Variants in MITF observed in about 807,000 individuals in gnomAD.
The protein encoded by MITF is microphthalmia-associated transcription factor.
Under a neutral mutation model 60.5 loss-of-function variants are expected in MITF, and 17 were observed. That is an observed-to-expected ratio of 0.28 (90% CI 0.19 to 0.42). MITF has a LOEUF of 0.42. Ranked by LOEUF, MITF falls within the 10% of genes least tolerant of loss-of-function variation. The probability of loss-of-function intolerance (pLI) is 1.00; values close to 1 mark genes in which losing one functional copy is unlikely to be tolerated. For missense variants in MITF, 622 were observed against 683.5 expected (o/e 0.91, Z 1.00); for synonymous variants, 260 against 248.5 (o/e 1.05, Z -0.43).
intron 1 of MITF, among the ~76,000 whole-genome samples, chr3:69,788,382 G>A (rs112471633): frequency 0.012 from 1,721 of 149,104 alleles, 42 homozygotes; most frequent in African/African-American, 0.04. Flanking sequence ...GAGAACATGC[G>A]GTGTTTGGTT....
At chr3:69,938,800 G>A (rs1323624112) in intron 3 of MITF, 8 of 1,381,642 alleles carry the variant, frequency 5.8e-6, no homozygotes. Context: ...ACTATGAAGT[G>A]TTTATGCAAA....
Position 69,933,180 on chromosome 3 carries a change from A to G in MITF, c.355-4642A>G, listed in dbSNP as rs1481135237. On this transcript the variant is annotated intron_variant, in intron 2 of 9. Transcript: ENST00000352241. ...ACTCCAGCCTGGGCAACATAGCAAG[A>G]CCCTTATCTCTAAAAATATAATAAA... 2.6e-5 allele frequency among the ~76,000 whole-genome samples: 4 copies of G among 152,142 alleles called. No individual in the cohort carries two copies. The South Asian group carries it at 8.3e-4, about 32-fold the overall frequency.
intron 6 of MITF, among the ~76,000 whole-genome samples, chr3:69,949,781 G>A (rs996493749): frequency 1.3e-5 from 2 of 152,102 alleles, no homozygotes; most frequent in Non-Finnish European, 2.9e-5. Context: ...TTTAGGGAAG[G>A]CATTTATTTG....
At chr3:69,859,154 A>G (rs1346055887) in intron 1 of MITF, among the ~76,000 whole-genome samples, 2 of 152,128 alleles carry the variant, frequency 1.3e-5, no homozygotes, top group Non-Finnish European at 2.9e-5. Context: ...AGTTGGAAAA[A>G]TGGTGCCATG....
intron 2 of MITF, among the ~76,000 whole-genome samples, chr3:69,922,566 T>A (rs2065492276): frequency 6.6e-6 from 1 of 152,172 alleles, no homozygotes; most frequent in African/African-American, 2.4e-5. Context: ...CATAATATAG[T>A]GGGTTTTTAA....
At chr3:69,941,641 A>G (rs1160183955) in intron 5 of MITF, among the ~76,000 whole-genome samples, 1 of 152,096 alleles carries the variant, frequency 6.6e-6, no homozygotes, top group Non-Finnish European at 1.5e-5. Context: ...CAGCCAAGGG[A>G]ACCATTGTGA....
chr3:69,893,488 G>C (rs1304649158), intron 2 of MITF, among the ~76,000 whole-genome samples: 1 of 152,110 alleles, frequency 6.6e-6, no homozygotes, highest in Non-Finnish European at 1.5e-5. Context: ...TGAGGAGTAA[G>C]TGACATGATG....
intron 2 of MITF, among the ~76,000 whole-genome samples, chr3:69,911,063 T>C (rs1452461538): frequency 6.6e-6 from 1 of 151,994 alleles, no homozygotes; most frequent in East Asian, 1.9e-4. Flanking sequence ...GGGGAGGTAA[T>C]TGAATCATGG....
At chr3:69,757,559 C>T (rs973483665) in intron 1 of MITF, among the ~76,000 whole-genome samples, 1 of 152,030 alleles carries the variant, frequency 6.6e-6, no homozygotes, top group African/African-American at 2.4e-5. Flanking sequence ...CCGAACTCTG[C>T]ATTTTAGTGA....
intron 1 of MITF, among the ~76,000 whole-genome samples, chr3:69,846,706 G>T (rs1359826304): frequency 1.3e-5 from 2 of 151,142 alleles, no homozygotes; most frequent in African/African-American, 4.9e-5. Context: ...AATCCCAGCT[G>T]CTCAGGAGGC....
chr3:69,825,769 G>A (rs1400811505), intron 1 of MITF, among the ~76,000 whole-genome samples: 2 of 152,132 alleles, frequency 1.3e-5, no homozygotes, highest in Non-Finnish European at 2.9e-5. Flanking sequence ...TGGGGAAACT[G>A]ACCAAGAGTG....
At chr3:69,760,593 T>C (rs2062198086) in intron 1 of MITF, among the ~76,000 whole-genome samples, 1 of 152,200 alleles carries the variant, frequency 6.6e-6, no homozygotes, top group Admixed American at 6.5e-5. Context: ...GGAGTTGCCA[T>C]GGCATTTGTA....
intron 1 of MITF, among the ~76,000 whole-genome samples, chr3:69,803,022 C>T (rs1314043838): frequency 6.6e-6 from 1 of 152,130 alleles, no homozygotes; most frequent in Non-Finnish European, 1.5e-5. Context: ...GGCGATCTGC[C>T]CGCCTCAGCC....
At chr3:69,835,336 T>C (rs1023040453) in intron 1 of MITF, among the ~76,000 whole-genome samples, 4 of 152,106 alleles carry the variant, frequency 2.6e-5, no homozygotes, top group African/African-American at 4.8e-5. Flanking sequence ...GTTATTTGGT[T>C]GGTTGGTTGC....
intron 1 of MITF, among the ~76,000 whole-genome samples, chr3:69,832,755 T>C (rs62252216): frequency 0.31 from 47,263 of 152,144 alleles, 8,886 homozygotes; most frequent in Non-Finnish European, 0.42. Context: ...GTTATTTCCC[T>C]ATTTACACTA....
Position 69,826,146 on chromosome 3 carries a change from A to C in MITF, c.105-52988A>C, listed in dbSNP as rs117571573. Among the ~76,000 whole-genome samples, 213 of 152,308 alleles carry C rather than the reference A, an allele frequency of 1.4e-3. 5 individuals carry two copies. The East Asian group carries it at 0.034, about 24-fold the overall frequency. Reference sequence around the variant, plus strand: ...ACTGGACTCTCGTTAACCAGCCCTCAGGTAAACTAATTGAACATTACCTGC... The same window carrying C: ...ACTGGACTCTCGTTAACCAGCCCTCCGGTAAACTAATTGAACATTACCTGC... On this transcript the variant is annotated intron_variant, in intron 1 of 9. Transcript: ENST00000352241.
At chr3:69,891,099 C>T (rs1006046670) in intron 2 of MITF, among the ~76,000 whole-genome samples, 2 of 152,146 alleles carry the variant, frequency 1.3e-5, no homozygotes, top group African/African-American at 2.4e-5. Context: ...AGTTAATAAA[C>T]TTTCAGGCCA....
At chr3:69,823,897 G>T (rs2063315559) in intron 1 of MITF, among the ~76,000 whole-genome samples, 1 of 152,136 alleles carries the variant, frequency 6.6e-6, no homozygotes, top group Non-Finnish European at 1.5e-5. Context: ...CCTGTGTTTT[G>T]GTTAGCAGAA....
At chr3:69,934,982 A>G (rs926652295) in intron 2 of MITF, among the ~76,000 whole-genome samples, 1 of 152,170 alleles carries the variant, frequency 6.6e-6, no homozygotes, top group East Asian at 1.9e-4. Flanking sequence ...ATTTTGAGCT[A>G]GGCTGGACTC....
Sources: allele counts gnomAD v4.1 joint callset (sites outside exome capture counted in the v4.1 genomes callset), GRCh38; gene constraint gnomAD v4.1.1; transcripts MANE v1.5; gene names NCBI Gene and HGNC (gene_info 2026-07-23, HGNC 2026-07-21).